FBXW11: variants seen among roughly 807,000 people sequenced by gnomAD.
FBXW11 encodes F-box and WD repeat domain containing 11, also known as F-box/WD repeat-containing protein 11.
A neutral mutation model predicts 77.6 loss-of-function variants in FBXW11; 19 were observed. The observed-to-expected ratio is 0.24, with a 90% confidence interval of 0.17 to 0.36. The LOEUF (loss-of-function observed/expected upper bound fraction) is 0.36. FBXW11 is among the 10% of genes least tolerant of loss of function. FBXW11 has a pLI of 1.00. For synonymous variants in FBXW11, 235 were observed against 249.4 expected (o/e 0.94, Z 0.54); for missense variants, 334 against 704.2 (o/e 0.47, Z 5.95).
At chr5:172,000,675 A>C (rs1304187644) in intron 1 of FBXW11, among the ~76,000 whole-genome samples, 1 of 152,216 alleles carries the variant, frequency 6.6e-6, no homozygotes, top group Non-Finnish European at 1.5e-5. Flanking sequence ...TTTGAAGAAA[A>C]GCAAGCCTCT....
intron 7 of FBXW11, among the ~76,000 whole-genome samples, chr5:171,889,607 C>T (rs1047686336): frequency 1.3e-5 from 2 of 151,464 alleles, no homozygotes; most frequent in Admixed American, 1.3e-4. Flanking sequence ...GAAAAGACGG[C>T]CAGGCATGGT....
At chr5:171,888,947 T>C (rs1759106968) in intron 7 of FBXW11, among the ~76,000 whole-genome samples, 1 of 152,102 alleles carries the variant, frequency 6.6e-6, no homozygotes, top group African/African-American at 2.4e-5. Flanking sequence ...TTCAGTCAAC[T>C]TGAAGATAGG....
intron 4 of FBXW11, among the ~76,000 whole-genome samples, chr5:171,901,486 A>G (rs1206197036): frequency 2.0e-5 from 3 of 152,196 alleles, no homozygotes; most frequent in Non-Finnish European, 2.9e-5. Flanking sequence ...ACCATTGGTT[A>G]TAATTTCCAG....
chr5:171,996,825 T>C, intron 1 of FBXW11: 2 of 1,126,050 alleles, frequency 1.8e-6, no homozygotes, highest in South Asian at 3.1e-5. Context: ...AGGGAAAATA[T>C]TTTTCAAAAT....
At chr5:171,887,729 C>G (rs1759012107) in intron 7 of FBXW11, among the ~76,000 whole-genome samples, 1 of 151,748 alleles carries the variant, frequency 6.6e-6, no homozygotes, top group Non-Finnish European at 1.5e-5. Flanking sequence ...GTGATCCTGG[C>G]TCACTGCAAC....
At chr5:171,894,818 A>G (rs1759631868) in intron 6 of FBXW11, among the ~76,000 whole-genome samples, 2 of 152,090 alleles carry the variant, frequency 1.3e-5, no homozygotes, top group East Asian at 1.9e-4. Context: ...GGGAAGAGTA[A>G]TATCTACTCC....
In FBXW11 at chr5:171,869,917, A is replaced by C; in HGVS notation, c.1452-110T>G. On this transcript the variant is annotated intron_variant, in intron 11 of 13. Transcript: ENST00000517395. The surrounding 1 kb of genome is among the most constrained non-coding windows in gnomAD (Gnocchi z 4.1). ...CTGAACTGCCTATTTATAAAAGCTAATGGGGAACATGCTTATGTTTTTACA... is the reference window on the plus strand; with the variant it reads ...CTGAACTGCCTATTTATAAAAGCTACTGGGGAACATGCTTATGTTTTTACA... 4 of 544,430 alleles carry C rather than the reference A, an allele frequency of 7.3e-6. No individual in the cohort carries two copies. The highest frequency in any genetic ancestry group is 1.3e-5 in the Non-Finnish European group (4 of 307,480). 33.7% of individuals were successfully genotyped at this position (544,430 alleles called of 1,614,324 possible). A position where few individuals can be genotyped will look rare whatever the true frequency, so the allele number is the denominator to read the frequency against.
Position 171,946,805 on chromosome 5 carries a change from CTTTTTTT to C in FBXW11, c.147+10785_147+10791del, listed in dbSNP as rs70982356. 3.3e-3 allele frequency among the ~76,000 whole-genome samples: 191 copies of C among 58,630 alleles called. 1 individual carries two copies. The highest frequency in any genetic ancestry group is 0.014 in the African/African-American group (176 of 12,756). 38.5% of individuals were successfully genotyped at this position (58,630 alleles called of 152,430 possible). ...ACTATCTAACATCCTGTGTACTTTA[CTTTTTTT>C]TTTTTTTTTTTTTTTTTTTTGATAC... is the stretch of plus-strand genomic sequence containing the variant. On this transcript the variant is annotated intron_variant, in intron 2 of 13. Coordinates refer to ENST00000517395, the MANE Select transcript of FBXW11 (RefSeq NM_001378974.1).
intron 9 of FBXW11, among the ~76,000 whole-genome samples, chr5:171,873,515 A>G (rs1204638955): frequency 6.6e-6 from 1 of 152,132 alleles, no homozygotes; most frequent in African/African-American, 2.4e-5. Flanking sequence ...GGCAGCATGC[A>G]CCTGTGGTCC....
At chr5:171,943,508 G>C (rs1336075877) in intron 2 of FBXW11, among the ~76,000 whole-genome samples, 1 of 152,132 alleles carries the variant, frequency 6.6e-6, no homozygotes, top group Non-Finnish European at 1.5e-5. Context: ...CGCCAGGCTG[G>C]AGTGCAGTGG....
At chr5:171,955,679 C>A (rs1041518303) in intron 2 of FBXW11, among the ~76,000 whole-genome samples, 1 of 152,044 alleles carries the variant, frequency 6.6e-6, no homozygotes, top group Non-Finnish European at 1.5e-5. Context: ...TGCCAATGAG[C>A]TGAGTACTTA....
chr5:171,894,672 T>C (rs1006160094), intron 6 of FBXW11, among the ~76,000 whole-genome samples: 5 of 144,778 alleles, frequency 3.5e-5, no homozygotes, highest in African/African-American at 1.3e-4. Flanking sequence ...CTTACTTGAA[T>C]GCTTATAACC....
chr5:171,914,629 T>G (rs1030075302), intron 2 of FBXW11, among the ~76,000 whole-genome samples: 1 of 152,186 alleles, frequency 6.6e-6, no homozygotes, highest in South Asian at 2.1e-4. Flanking sequence ...AAGTCATTAT[T>G]TACAAAGGTT....
At chr5:171,924,697 G>A (rs1761791509) in intron 2 of FBXW11, among the ~76,000 whole-genome samples, 1 of 152,116 alleles carries the variant, frequency 6.6e-6, no homozygotes, top group South Asian at 2.1e-4. Context: ...GCCAGCCCAG[G>A]AGCCGTGGGC....
At chr5:171,959,461 G>GA (rs1266545011) in intron 1 of FBXW11, among the ~76,000 whole-genome samples, 3 of 152,028 alleles carry the variant, frequency 2.0e-5, no homozygotes, top group Non-Finnish European at 4.4e-5. Context: ...TGATGATCAG[G>GA]AAAGAGATAT....
intron 10 of FBXW11, among the ~76,000 whole-genome samples, 197 bp downstream of exon 10, chr5:171,872,675 T>C (rs753439565): frequency 6.6e-6 from 1 of 152,194 alleles, no homozygotes; most frequent in East Asian, 1.9e-4. Flanking sequence ...TGGGGGAATC[T>C]TGGAAGAACA....
At chr5:171,909,162 G>A (rs926427738) in intron 4 of FBXW11, among the ~76,000 whole-genome samples, 2 of 152,028 alleles carry the variant, frequency 1.3e-5, no homozygotes, top group African/African-American at 2.4e-5. Context: ...CATATTCAAA[G>A]GGGAGTTCAG....
intron 2 of FBXW11, among the ~76,000 whole-genome samples, chr5:171,937,914 A>C (rs1762561396): frequency 6.6e-6 from 1 of 152,138 alleles, no homozygotes; most frequent in South Asian, 2.1e-4. Context: ...TAACTACCAT[A>C]AACTAAACCT....
At chr5:171,936,845 A>G (rs1389128595) in intron 2 of FBXW11, among the ~76,000 whole-genome samples, 1 of 152,170 alleles carries the variant, frequency 6.6e-6, no homozygotes, top group Non-Finnish European at 1.5e-5. Context: ...GATCACAAAG[A>G]AATAAGTTCA....
Sources: gnomAD v4.1 joint callset for allele counts (sites outside exome capture counted in the v4.1 genomes callset) on GRCh38, gnomAD v4.1.1 for gene constraint, Gnocchi (gnomAD v3.1) non-coding constraint, MANE v1.5 for transcripts, NCBI Gene and HGNC (gene_info 2026-07-23, HGNC 2026-07-21) for gene names.